CADPS2: variants seen among roughly 807,000 people sequenced by gnomAD.
CADPS2 encodes the protein calcium-dependent secretion activator 2.
Under a neutral mutation model 172.5 loss-of-function variants are expected in CADPS2, and 93 were observed. The observed-to-expected ratio is 0.54, with a 90% CI of 0.46 to 0.64. The LOEUF (loss-of-function observed/expected upper bound fraction) is 0.64, where lower values mean the gene tolerates loss of function less well. CADPS2 is among the 30% of genes least tolerant of loss of function. The pLI is 0.00. For synonymous variants in CADPS2, 546 were observed against 555.2 expected (o/e 0.98, Z 0.23); for missense variants, 1,420 against 1,565.9 (o/e 0.91, Z 1.57).
intron 4 of CADPS2, among the ~76,000 whole-genome samples, chr7:122,626,674 G>A (rs938091623): frequency 1.3e-5 from 2 of 152,100 alleles, no homozygotes; most frequent in South Asian, 2.1e-4. Context: ...GCTCCACCAG[G>A]GCCTGGCAGA....
intron 28 of CADPS2, among the ~76,000 whole-genome samples, chr7:122,329,052 TAAC>T (rs2034454988): frequency 6.6e-6 from 1 of 152,176 alleles, no homozygotes. Flanking sequence ...GCATTTTTAA[TAAC>T]AAGAGGGTCA....
intron 17 of CADPS2, among the ~76,000 whole-genome samples, chr7:122,426,845 C>G (rs1007095071): frequency 1.3e-5 from 2 of 152,100 alleles, no homozygotes; most frequent in Admixed American, 6.5e-5. Flanking sequence ...AAGGAAGAAG[C>G]CTTGTTATTT....
intron 8 of CADPS2, among the ~76,000 whole-genome samples, chr7:122,514,571 A>G (rs2130864497): frequency 6.6e-6 from 1 of 152,232 alleles, no homozygotes; most frequent in Middle Eastern, 3.4e-3. Context: ...GGAGTGTAAC[A>G]TCTTGGGAGA....
intron 1 of CADPS2, among the ~76,000 whole-genome samples, chr7:122,742,285 C>G (rs1322934652): frequency 6.6e-6 from 1 of 151,892 alleles, no homozygotes; most frequent in Non-Finnish European, 1.5e-5. Context: ...GTCCCAGATA[C>G]TTGGGAGGCT....
rs541342638 is a variant in CADPS2, at chr7:122,884,539, A to G, written c.339+1460T>C. On this transcript the variant is annotated intron_variant, in intron 1 of 29. Coordinates refer to ENST00000449022, the MANE Select transcript of CADPS2 (RefSeq NM_017954.11). ...AGTCTCCCTACCATTCTGTGACTGAATACCTAGGGTTAGGTTACCTGAAGG... is the reference window on the plus strand; with the variant it reads ...AGTCTCCCTACCATTCTGTGACTGAGTACCTAGGGTTAGGTTACCTGAAGG... Among the ~76,000 whole-genome samples the G allele has an allele frequency of 9.2e-5, 14 of 152,308 alleles. No homozygotes were observed. In the East Asian group the frequency reaches 1.9e-3, roughly 21 times the overall value.
At chr7:122,568,385 C>G (rs969198029) in intron 7 of CADPS2, among the ~76,000 whole-genome samples, 1 of 151,908 alleles carries the variant, frequency 6.6e-6, no homozygotes, top group African/African-American at 2.4e-5. Context: ...AATCGTAATC[C>G]CATCTATCTA....
intron 8 of CADPS2, among the ~76,000 whole-genome samples, chr7:122,528,426 A>C (rs1434683942): frequency 6.6e-6 from 1 of 152,172 alleles, no homozygotes; most frequent in East Asian, 1.9e-4. Context: ...GAATTTCTTA[A>C]GTTCTTAAGA....
At chr7:122,568,861 G>T (rs1308327720) in intron 7 of CADPS2, among the ~76,000 whole-genome samples, 1 of 152,064 alleles carries the variant, frequency 6.6e-6, no homozygotes, top group Non-Finnish European at 1.5e-5. Context: ...AAAAATTTTT[G>T]TTCTTTGAAA....
chr7:122,723,437 T>A (rs1427696811), intron 2 of CADPS2, among the ~76,000 whole-genome samples: 2 of 152,154 alleles, frequency 1.3e-5, no homozygotes, highest in Admixed American at 6.5e-5. Context: ...ATGCTCATCA[T>A]CACAGGCCAT....
At chr7:122,469,957 A>G (rs148224330) in intron 14 of CADPS2, among the ~76,000 whole-genome samples, 51 of 152,262 alleles carry the variant, frequency 3.3e-4, no homozygotes, top group African/African-American at 1.1e-3. Context: ...GAGTTTTGTG[A>G]TATTTGACTT....
intron 5 of CADPS2, among the ~76,000 whole-genome samples, chr7:122,620,513 A>G (rs2075475614): frequency 6.6e-6 from 1 of 152,206 alleles, no homozygotes; most frequent in Non-Finnish European, 1.5e-5. Context: ...ATGAAGAGAT[A>G]TCATGTAAAC....
chr7:122,400,621 G>A (rs777070419), intron 20 of CADPS2, among the ~76,000 whole-genome samples: 34 of 152,230 alleles, frequency 2.2e-4, no homozygotes, highest in Non-Finnish European at 3.1e-4. Context: ...AATCAACTCT[G>A]GGGATTAGAG....
chr7:122,833,656 A>C (rs568713832), intron 1 of CADPS2, among the ~76,000 whole-genome samples: 1 of 152,234 alleles, frequency 6.6e-6, no homozygotes, highest in African/African-American at 2.4e-5. Context: ...TCGGCCTCCG[A>C]AAGTGCTGGG....
chr7:122,726,348 C>A (rs1290670987), intron 2 of CADPS2, among the ~76,000 whole-genome samples: 4 of 152,000 alleles, frequency 2.6e-5, no homozygotes, highest in Non-Finnish European at 4.4e-5. Flanking sequence ...ACTGTCTTAG[C>A]TAATCACAGG....
At chr7:122,659,307 A>C (rs2430041) in intron 3 of CADPS2, among the ~76,000 whole-genome samples, 80,608 of 121,894 alleles carry the variant, frequency 0.66, 24,142 homozygotes, top group South Asian at 0.82. Context: ...GAAATGCTAG[A>C]CATAAAAAAA....
intron 1 of CADPS2, among the ~76,000 whole-genome samples, chr7:122,742,586 C>T (rs140590019): frequency 1.1e-3 from 161 of 152,170 alleles, no homozygotes; most frequent in African/African-American, 3.4e-3. Context: ...GGGCCACTTC[C>T]CACATTCTAA....
At chr7:122,798,491 T>A (rs890804862) in intron 1 of CADPS2, among the ~76,000 whole-genome samples, 2 of 152,214 alleles carry the variant, frequency 1.3e-5, no homozygotes, top group East Asian at 3.9e-4. Context: ...TCAATGTATA[T>A]AGATGTCCTA....
intron 1 of CADPS2, among the ~76,000 whole-genome samples, chr7:122,818,338 A>G (rs965146354): frequency 4.6e-5 from 7 of 152,154 alleles, no homozygotes; most frequent in African/African-American, 1.7e-4. Context: ...AATAGCCAGA[A>G]AATGGCACTT....
At position 122,360,905 on chromosome 7, in the gene CADPS2, G is replaced by A. The variant is rs753813508; in HGVS notation, c.3471+25C>T. On this transcript the variant is annotated intron_variant, in intron 26 of 29. Coordinates refer to ENST00000449022, the MANE Select transcript of CADPS2 (RefSeq NM_017954.11). ...CTATGACAACAGTTAAAAGACCACA[G>A]AAGAGAACTCATTCAAATACTTACA... 2.6e-5 allele frequency: 42 copies of A among 1,609,620 alleles called. No individual in the cohort carries two copies. The East Asian group carries it at 9.2e-4, about 35-fold the overall frequency.
Sources: allele counts gnomAD v4.1 joint callset (sites outside exome capture counted in the v4.1 genomes callset), GRCh38; gene constraint gnomAD v4.1.1; transcripts MANE v1.5; gene names NCBI Gene and HGNC (gene_info 2026-07-23, HGNC 2026-07-21).